Variants in THUMPD3 observed in about 807,000 individuals in gnomAD.
The protein encoded by THUMPD3 is tRNA (guanine(6)-N(2))-methyltransferase THUMP3.
A neutral mutation model predicts 54.5 loss-of-function variants in THUMPD3; 44 were observed. That is an observed-to-expected ratio of 0.81 (90% CI 0.63 to 1.04). THUMPD3 has a LOEUF of 1.04. THUMPD3 is among the 50% of genes least tolerant of loss of function. The probability of loss-of-function intolerance (pLI) is 0.00; values close to 1 mark genes in which losing one functional copy is unlikely to be tolerated. For missense variants in THUMPD3, 604 were observed against 601.3 expected (o/e 1.00, Z -0.05); for synonymous variants, 196 against 201.4 (o/e 0.97, Z 0.23).
intron 4 of THUMPD3, among the ~76,000 whole-genome samples, chr3:9,373,382 G>C (rs942802353): frequency 2.0e-5 from 3 of 152,074 alleles, no homozygotes; most frequent in African/African-American, 7.2e-5. Context: ...TATAGTCCCA[G>C]GTACTTGGGA....
rs1431053456 is a variant in THUMPD3 at position 9,365,268 on chromosome 3, G to A, written c.200G>A (p.Ser67Asn). The change falls in exon 2 of 10, where the codon AGC (serine) becomes AAC (asparagine). Residue 67 changes from serine (S) to asparagine (N), a missense_variant. Transcript: ENST00000452837. ...AAACTTGGGTCATCATGCAAAATCAGCAGAGACCGTGGCAAGATATATTTT... is the reference window on the plus strand; with the variant it reads ...AAACTTGGGTCATCATGCAAAATCAACAGAGACCGTGGCAAGATATATTTT... ...REKLGSSCKI[S>N]RDRGKIYFVI... The A allele has an allele frequency of 6.2e-7, 1 of 1,614,082 alleles. No homozygotes were observed. Among genetic ancestry groups the A allele is most frequent in the African/African-American group, 1.3e-5 (1 of 74,948 alleles).
chr3:9,374,492 T>C (rs746103034), intron 4 of THUMPD3, 24 bp from the exon 5 acceptor site: 5 of 1,610,938 alleles, frequency 3.1e-6, no homozygotes, highest in Admixed American at 3.4e-5. Context: ...TAAAACTATT[T>C]TGTCTTGTTC....
chr3:9,381,977 T>G (rs775062994), intron 7 of THUMPD3, among the ~76,000 whole-genome samples: 670 of 150,080 alleles, frequency 4.5e-3, no homozygotes, highest in Non-Finnish European at 5.4e-3. Flanking sequence ...TAGAGACGGG[T>G]TTTCACCATG....
Position 9,374,555 on chromosome 3 carries a change from A to G in THUMPD3, c.847A>G (p.Ile283Val). 1 of 1,614,080 alleles carries G rather than the reference A, an allele frequency of 6.2e-7. No homozygotes were observed. Among genetic ancestry groups the G allele is most frequent in the East Asian group, 2.2e-5 (1 of 44,874 alleles). ...CCATGATAATGAAGTCATTGTGGGC[A>G]TTGCATTGACTGAAGAGAGTCTCCA... is the stretch of plus-strand genomic sequence containing the variant. ...NIHDNEVIVG[I>V]ALTEESLHRR... The change falls in exon 5 of 10, where the codon ATT (isoleucine) becomes GTT (valine). Residue 283 changes from isoleucine (I) to valine (V), a missense_variant. Coordinates refer to ENST00000452837, the MANE Select transcript of THUMPD3 (RefSeq NM_001114092.2).
chr3:9,383,130 G>A, intron 7 of THUMPD3, 69 bp from the exon 8 acceptor site: 1 of 1,104,880 alleles, frequency 9.1e-7, no homozygotes, highest in Non-Finnish European at 1.4e-6. Flanking sequence ...TCTCTCTTCA[G>A]AAACAAAAAT....
chr3:9,367,177 G>A (rs530490025), intron 3 of THUMPD3, among the ~76,000 whole-genome samples, 192 bp downstream of exon 3: 9 of 152,250 alleles, frequency 5.9e-5, no homozygotes, highest in East Asian at 1.9e-4. Flanking sequence ...AATTAGTATT[G>A]AAAACCATTA....
chr3:9,375,343 T>C (rs1231775812), intron 5 of THUMPD3, among the ~76,000 whole-genome samples: 1 of 152,174 alleles, frequency 6.6e-6, no homozygotes, highest in Non-Finnish European at 1.5e-5. Flanking sequence ...GAAAGAGCTT[T>C]TACTTATATT....
At chr3:9,380,858 C>G (rs1170265806) in intron 7 of THUMPD3, 5 of 309,912 alleles carry the variant, frequency 1.6e-5, no homozygotes, top group Non-Finnish European at 2.4e-5. Context: ...TATGTCTTTT[C>G]CCCTACATAT....
chr3:9,383,120 T>C, intron 7 of THUMPD3, 79 bp from the exon 8 acceptor site: 1 of 895,268 alleles, frequency 1.1e-6, no homozygotes, highest in Non-Finnish European at 1.8e-6. Context: ...GCTGTAGCAG[T>C]CTCTCTTCAG....
At chr3:9,377,609 A>G (rs2032561914) in intron 5 of THUMPD3, among the ~76,000 whole-genome samples, 1 of 152,086 alleles carries the variant, frequency 6.6e-6, no homozygotes, top group South Asian at 2.1e-4. Flanking sequence ...TCCTGACCTC[A>G]AGCGATCCAC....
intron 1 of THUMPD3, among the ~76,000 whole-genome samples, chr3:9,364,800 C>T (rs889701627): frequency 3.9e-5 from 6 of 152,218 alleles, no homozygotes; most frequent in African/African-American, 1.4e-4. Flanking sequence ...TACTTCTTGT[C>T]TCTTTTTCTC....
At position 9,374,519 on chromosome 3, in the gene THUMPD3, C is replaced by G; in HGVS notation, c.811C>G (p.Leu271Val). ...ADMTNFDVEVLLNIHDNEVIV... is the reference protein window; with the variant it reads ...ADMTNFDVEVVLNIHDNEVIV... ...GTCTTGTTCCACTTTGCTATAGGTT[C>G]TTTTGAACATCCATGATAATGAAGT... The change falls in exon 5 of 10, where the codon CTT becomes GTT. Residue 271 changes from leucine (L) to valine (V), a missense_variant. Transcript: ENST00000452837. 6.2e-7 allele frequency: 1 copy of G among 1,613,160 alleles called. No individual in the cohort carries two copies.
intron 3 of THUMPD3, among the ~76,000 whole-genome samples, chr3:9,368,019 C>T (rs1171446418): frequency 2.0e-5 from 3 of 151,862 alleles, no homozygotes; most frequent in Non-Finnish European, 4.4e-5. Context: ...GAGCAGAGAT[C>T]ACACCACTGC....
chr3:9,383,716 C>T (rs889167300), intron 8 of THUMPD3, among the ~76,000 whole-genome samples: 7 of 151,910 alleles, frequency 4.6e-5, no homozygotes, highest in Admixed American at 6.6e-5. Context: ...CTCTGCCTCC[C>T]GGGTTCAAGC....
At chr3:9,378,634 A>G (rs551052183) in intron 6 of THUMPD3, among the ~76,000 whole-genome samples, 1 of 152,244 alleles carries the variant, frequency 6.6e-6, no homozygotes, top group Non-Finnish European at 1.5e-5. Flanking sequence ...TTGGGTAGAA[A>G]CTGGACAGAT....
chr3:9,365,158 C>A lies in THUMPD3; in HGVS notation c.90C>A (p.Leu30=). The A allele has an allele frequency of 6.2e-7, 1 of 1,614,150 alleles. No individual in the cohort carries two copies. The change falls in exon 2 of 10, where the codon CTC becomes CTA. Residue 30 remains leucine, a synonymous_variant. Coordinates refer to ENST00000452837, the MANE Select transcript of THUMPD3 (RefSeq NM_001114092.2). ...CTGTACAAGTGACAGAAAGTGACCT[C>A]GGAAGTGAATCTGAGCTTCTAGTCA... ...QKSVQVTESD[L]GSESELLVTI... is the part of the protein sequence containing the mutation.
At chr3:9,368,149 A>G (rs938079660) in intron 3 of THUMPD3, among the ~76,000 whole-genome samples, 1 of 152,100 alleles carries the variant, frequency 6.6e-6, no homozygotes, top group Non-Finnish European at 1.5e-5. Context: ...AATTCTAATG[A>G]GTTCTCTTAA....
intron 6 of THUMPD3, among the ~76,000 whole-genome samples, chr3:9,379,255 G>A (rs2032697356): frequency 6.6e-6 from 1 of 151,412 alleles, no homozygotes; most frequent in South Asian, 2.1e-4. Flanking sequence ...ATCACTGAGA[G>A]CCTTCCTCAA....
chr3:9,374,752 T>C, intron 5 of THUMPD3, 106 bp downstream of exon 5: 1 of 1,264,586 alleles, frequency 7.9e-7, no homozygotes, highest in Non-Finnish European at 1.1e-6. Flanking sequence ...TGTGTTGGAA[T>C]AGAGTGGATA....
Sources: allele counts gnomAD v4.1 joint callset (sites outside exome capture counted in the v4.1 genomes callset), GRCh38; gene constraint gnomAD v4.1.1; transcripts MANE v1.5; gene names NCBI Gene and HGNC (gene_info 2026-07-23, HGNC 2026-07-21).